Variants in KIF3C observed in about 807,000 individuals in gnomAD.
KIF3C encodes the protein kinesin-like protein KIF3C.
Under a neutral mutation model 67.7 loss-of-function variants are expected in KIF3C, and 12 were observed. The ratio of observed to expected loss-of-function variants is 0.18; its 90% CI spans 0.11 to 0.29. The LOEUF (loss-of-function observed/expected upper bound fraction) is 0.29. KIF3C is among the 10% of genes least tolerant of loss of function. The pLI, the probability that KIF3C is intolerant of heterozygous loss-of-function variation, is 1.00. For missense variants in KIF3C, 789 were observed against 1,059.6 expected (o/e 0.74, Z 3.55); for synonymous variants, 393 against 426.2 (o/e 0.92, Z 0.96).
intron 5 of KIF3C, among the ~76,000 whole-genome samples, chr2:25,941,406 A>C (rs1006439982): frequency 2.0e-5 from 3 of 152,168 alleles, no homozygotes; most frequent in African/African-American, 7.2e-5. Context: ...CATAAACCAC[A>C]GGGTATGGAT....
chr2:25,938,468 A>T (rs1240370818), intron 5 of KIF3C: 1 of 342,554 alleles, frequency 2.9e-6, no homozygotes. Context: ...TCAGGAGGAC[A>T]CTGGGCCAGA....
intron 5 of KIF3C, among the ~76,000 whole-genome samples, chr2:25,931,088 A>C (rs1004206110): frequency 6.6e-6 from 1 of 152,184 alleles, no homozygotes; most frequent in Admixed American, 6.6e-5. Flanking sequence ...AAAATTAATA[A>C]AATTTAAAAT....
At chr2:25,932,319 T>C (rs2090467377) in intron 5 of KIF3C, among the ~76,000 whole-genome samples, 1 of 151,144 alleles carries the variant, frequency 6.6e-6, no homozygotes, top group Admixed American at 6.6e-5. Flanking sequence ...TAACTTTTAG[T>C]AGAGACAGGG....
At chr2:25,937,340 G>A (rs1663154899) in intron 5 of KIF3C, among the ~76,000 whole-genome samples, 1 of 152,202 alleles carries the variant, frequency 6.6e-6, no homozygotes, top group African/African-American at 2.4e-5. Context: ...AGTTTATGAT[G>A]CATATAAAAA....
chr2:25,930,568 G>C (rs1303582076), intron 5 of KIF3C, among the ~76,000 whole-genome samples: 2 of 151,894 alleles, frequency 1.3e-5, no homozygotes, highest in Admixed American at 1.3e-4. Flanking sequence ...ACGAAGTTTT[G>C]CTCTTATTGC....
At chr2:25,935,755 T>C (rs1316843696) in intron 5 of KIF3C, among the ~76,000 whole-genome samples, 2 of 152,112 alleles carry the variant, frequency 1.3e-5, no homozygotes, top group East Asian at 3.9e-4. Flanking sequence ...TTCAGTCCTA[T>C]GAAGGAACTT....
At chr2:25,948,864 A>C (rs1002519292) in intron 5 of KIF3C, among the ~76,000 whole-genome samples, 1 of 151,914 alleles carries the variant, frequency 6.6e-6, no homozygotes, top group Non-Finnish European at 1.5e-5. Context: ...GTCAAGTCAA[A>C]ATTGCAGAGT....
chr2:25,943,846 C>T (rs1663357541), intron 5 of KIF3C, among the ~76,000 whole-genome samples: 1 of 150,226 alleles, frequency 6.7e-6, no homozygotes, highest in African/African-American at 2.5e-5. Flanking sequence ...GCATGGGCAA[C>T]AACAGCAAAA....
intron 1 of KIF3C, among the ~76,000 whole-genome samples, chr2:25,976,907 G>T (rs1664432238): frequency 6.6e-6 from 1 of 152,140 alleles, no homozygotes; most frequent in Non-Finnish European, 1.5e-5. Context: ...AAATATTTGG[G>T]TTTTCACTGC....
chr2:25,971,138 G>A (rs1485065518), intron 1 of KIF3C, among the ~76,000 whole-genome samples: 5 of 152,022 alleles, frequency 3.3e-5, no homozygotes, highest in African/African-American at 1.2e-4. Context: ...CTGGCGTGGT[G>A]GCGGGTGCCT....
Position 25,982,372 on chromosome 2 carries a change from G to A in KIF3C, c.-455C>T, listed in dbSNP as rs1219902962. ...GGCGGCCGGGGGTCCCGGGCCTCCC[G>A]AGGGCAGAGGCTCACCTGGAGTCCT... is the stretch of plus-strand genomic sequence containing the variant. On this transcript the variant is annotated 5_prime_UTR_variant, in exon 1 of 8. Coordinates refer to ENST00000264712, the MANE Select transcript of KIF3C (RefSeq NM_002254.8). The A allele has an allele frequency of 2.8e-5, 11 of 398,772 alleles. No homozygotes were observed. The Admixed American group carries it at 3.5e-4, about 13-fold the overall frequency. 24.7% of individuals were successfully genotyped at this position (398,772 alleles called of 1,614,324 possible).
rs140960461 is a variant in KIF3C at position 25,980,417 on chromosome 2, G to A, written c.1501C>T (p.Arg501Trp). 16 of 1,613,880 alleles carry A rather than the reference G, an allele frequency of 9.9e-6. No individual in the cohort carries two copies. The highest frequency in any genetic ancestry group is 9.3e-5 in the African/African-American group (7 of 74,894). The change falls in exon 1 of 8, where the codon CGG becomes TGG. Residue 501 changes from arginine to tryptophan, a missense_variant. Transcript: ENST00000264712. The surrounding 1 kb of genome is among the most constrained non-coding windows in gnomAD (Gnocchi z 7.6). ...EEKEKMLEDL[R>W]REQQATELLA... is the part of the protein sequence containing the mutation. ...AGCTCTGTGGCCTGCTGTTCCCGCCGCAGGTCCTCCAGCATCTTCTCCTTC... is the reference window on the plus strand; with the variant it reads ...AGCTCTGTGGCCTGCTGTTCCCGCCACAGGTCCTCCAGCATCTTCTCCTTC...
intron 1 of KIF3C, among the ~76,000 whole-genome samples, chr2:25,971,459 A>G (rs1270594868): frequency 6.6e-6 from 1 of 151,910 alleles, no homozygotes; most frequent in Non-Finnish European, 1.5e-5. Flanking sequence ...AAGAAAAAGA[A>G]AAAAGAAATA....
At chr2:25,934,325 A>G (rs925731368) in intron 5 of KIF3C, among the ~76,000 whole-genome samples, 4 of 151,954 alleles carry the variant, frequency 2.6e-5, no homozygotes, top group Non-Finnish European at 4.4e-5. Context: ...ATGCCTATAA[A>G]CCCAGCACTT....
At chr2:25,960,757 CA>C (rs1222391142) in intron 1 of KIF3C, among the ~76,000 whole-genome samples, 2 of 152,078 alleles carry the variant, frequency 1.3e-5, no homozygotes, top group Non-Finnish European at 2.9e-5. Context: ...AGTAACATGG[CA>C]AAACCCGTCT....
chr2:25,929,773 G>A lies in KIF3C; in HGVS notation c.2115+182C>T, dbSNP rs755284464. Among the ~76,000 whole-genome samples the A allele has an allele frequency of 6.2e-5, 9 of 146,060 alleles. No homozygotes were observed. The South Asian group carries it at 6.6e-4, about 11-fold the overall frequency. The stretch of plus-strand genomic sequence containing the variant: ...TGGGACTATAGGCACCCATCACCAC[G>A]CCTGGCTAATTTTTGTATTTTTAGT... On this transcript the variant is annotated intron_variant, in intron 6 of 7. Transcript: ENST00000264712.
At chr2:25,969,731 T>A (rs1664232108) in intron 1 of KIF3C, among the ~76,000 whole-genome samples, 1 of 152,032 alleles carries the variant, frequency 6.6e-6, no homozygotes, top group Admixed American at 6.6e-5. Context: ...TTTGTTTTTT[T>A]TTTTTAAGAC....
At chr2:25,964,138 T>C (rs1274390379) in intron 1 of KIF3C, among the ~76,000 whole-genome samples, 1 of 152,008 alleles carries the variant, frequency 6.6e-6, no homozygotes, top group African/African-American at 2.4e-5. Flanking sequence ...CAAAATCTCA[T>C]CTCTACTAAA....
At position 25,955,260 on chromosome 2, in the gene KIF3C, G is replaced by C. The variant is rs997129644; in HGVS notation, c.1770+281C>G. The stretch of plus-strand genomic sequence containing the variant: ...CTGTGACTCACTGGTGACACTGAAC[G>C]GGGTAATCACCCAGGACCATGAAGA... On this transcript the variant is annotated intron_variant, in intron 3 of 7. Transcript: ENST00000264712. The surrounding 1 kb of genome is among the most constrained non-coding windows in gnomAD (Gnocchi z 5.0). Among the ~76,000 whole-genome samples, 1 of 152,104 alleles carries C rather than the reference G, an allele frequency of 6.6e-6. No homozygotes were observed. Among genetic ancestry groups the C allele is most frequent in the Non-Finnish European group, 1.5e-5 (1 of 68,028 alleles).
Sources: allele counts gnomAD v4.1 joint callset (sites outside exome capture counted in the v4.1 genomes callset), GRCh38; gene constraint gnomAD v4.1.1; non-coding constraint Gnocchi (gnomAD v3.1); transcripts MANE v1.5; gene names NCBI Gene and HGNC (gene_info 2026-07-23, HGNC 2026-07-21).